Variants in HLX observed in about 807,000 individuals in gnomAD.
HLX encodes H2.0-like homeobox protein.
A neutral mutation model predicts 27.7 loss-of-function variants in HLX; 6 were observed. The ratio of observed to expected loss-of-function variants is 0.22; its 90% CI spans 0.12 to 0.43. The LOEUF is 0.43. Ranked by LOEUF, HLX falls within the 20% of genes least tolerant of loss-of-function variation. HLX has a pLI of 1.00. For missense variants in HLX, 666 were observed against 655.2 expected (o/e 1.02, Z -0.18); for synonymous variants, 328 against 293.8 (o/e 1.12, Z -1.19).
In HLX at chr1:220,884,033, G is replaced by A. The variant is rs1674514115; in HGVS notation, c.958-162G>A. 2.8e-6 allele frequency: 2 copies of A among 709,352 alleles called. No homozygotes were observed. The highest frequency in any genetic ancestry group is 4.8e-6 in the Non-Finnish European group (2 of 413,958). The allele number at this position is 709,352 out of a possible 1,614,324, so 43.9% of individuals were successfully genotyped here. ...CTTGTGTTCCCCTGGGCTGCCCCTT[G>A]GCTCCTGCGCCTACCACAGTGTCTG... is the stretch of plus-strand genomic sequence containing the variant. On this transcript the variant is annotated intron_variant, in intron 3 of 3. Coordinates refer to ENST00000366903, the MANE Select transcript of HLX (RefSeq NM_021958.4). This position sits in a 1 kb window ranked among gnomAD's most constrained non-coding sequence, Gnocchi z 4.9.
chr1:220,881,698 G>T, intron 2 of HLX: 1 of 436,318 alleles, frequency 2.3e-6, no homozygotes, highest in South Asian at 2.1e-5. Context: ...TACACATTTT[G>T]GGATGACCTC....
At position 220,882,343 on chromosome 1, in the gene HLX, G is replaced by C; in HGVS notation, c.952G>C (p.Ala318Pro). The change falls in exon 3 of 4, where the codon GCA (alanine) becomes CCA (proline). Residue 318 changes from alanine to proline, a missense_variant. Transcript: ENST00000366903. ...GGCGGCGATGCTGGGCCTCACGGAC[G>C]CACAGGTAAGGCAGTTCTGGCTCCA... ...QLAAMLGLTD[A>P]QVKVWFQNRR... is the part of the protein sequence containing the mutation. The C allele has an allele frequency of 6.2e-7, 1 of 1,614,054 alleles. No individual in the cohort carries two copies. The highest frequency in any genetic ancestry group is 8.5e-7 in the Non-Finnish European group (1 of 1,179,972).
At chr1:220,883,092 C>T (rs1029771025) in intron 3 of HLX, 1 of 150,908 alleles carries the variant, frequency 6.6e-6, no homozygotes, top group Non-Finnish European at 1.5e-5. Flanking sequence ...GGCTTCCCCA[C>T]CCCCCACCAC....
chr1:220,884,099 CA>C lies in HLX; in HGVS notation c.958-95del, dbSNP rs1674515882. 2 of 1,282,082 alleles carry C rather than the reference CA, an allele frequency of 1.6e-6. No individual in the cohort carries two copies. Among genetic ancestry groups the C allele is most frequent in the East Asian group, 2.3e-5 (1 of 42,920 alleles). The allele number at this position is 1,282,082 out of a possible 1,614,324, so 79.4% of individuals were successfully genotyped here. A position where few individuals can be genotyped will look rare whatever the true frequency, so the allele number is the denominator to read the frequency against. On this transcript the variant is annotated intron_variant, in intron 3 of 3. Transcript: ENST00000366903. The surrounding 1 kb of genome is among the most constrained non-coding windows in gnomAD (Gnocchi z 4.9). ...GCCAAGTAAGCGTTGCTTTTTCACT[CA>C]GGGAGGTGGCTTGAGGGTGCACGCG...
In HLX at chr1:220,879,951, T is replaced by G; in HGVS notation, c.94T>G (p.Phe32Val). ...CSSAGPGGCSFPLDPAAVKKP... is the reference protein window; with the variant it reads ...CSSAGPGGCSVPLDPAAVKKP... ...CTCGGCCGGCCCAGGCGGCTGCTCCTTCCCCTTGGACCCCGCCGCCGTCAA... is the reference window on the plus strand; with the variant it reads ...CTCGGCCGGCCCAGGCGGCTGCTCCGTCCCCTTGGACCCCGCCGCCGTCAA... Residue 32 changes from phenylalanine to valine, a missense_variant, in exon 1 of 4, where the codon TTC (phenylalanine) becomes GTC (valine). Transcript: ENST00000366903. The G allele has an allele frequency of 6.3e-7, 1 of 1,598,678 alleles. No individual in the cohort carries two copies. The highest frequency in any genetic ancestry group is 8.5e-7 in the Non-Finnish European group (1 of 1,178,820).
In HLX at chr1:220,884,599, C is replaced by G. The variant is rs1285333970; in HGVS notation, c.1362C>G (p.Ser454Arg). 5 of 1,607,206 alleles carry G rather than the reference C, an allele frequency of 3.1e-6. No homozygotes were observed. Among genetic ancestry groups the G allele is most frequent in the Non-Finnish European group, 3.4e-6 (4 of 1,176,816 alleles). ...SSSTSAGCAS[S>R]LGGGGASELL... ...GCACCAGTGCGGGTTGCGCCAGCAG[C>G]CTTGGCGGCGGCGGCGCCTCGGAGC... Residue 454 changes from serine to arginine, a missense_variant, in exon 4 of 4, where the codon AGC (serine) becomes AGG (arginine). Coordinates refer to ENST00000366903, the MANE Select transcript of HLX (RefSeq NM_021958.4). This position sits in a 1 kb window ranked among gnomAD's most constrained non-coding sequence, Gnocchi z 4.9.
In HLX at chr1:220,882,297, C is replaced by T. The variant is rs187627822; in HGVS notation, c.906C>T (p.Thr302=). 7 of 1,614,236 alleles carry T rather than the reference C, an allele frequency of 4.3e-6. No homozygotes were observed. Among genetic ancestry groups the T allele is most frequent in the African/African-American group, 2.7e-5 (2 of 75,070 alleles). ...GGTTTGAGATTCAGAAGTACGTGACCAAGCCGGACCGAAAGCAGCTGGCGG... is the reference window on the plus strand; with the variant it reads ...GGTTTGAGATTCAGAAGTACGTGACTAAGCCGGACCGAAAGCAGCTGGCGG... ...EKRFEIQKYV[T]KPDRKQLAAM... The change falls in exon 3 of 4, where the codon ACC becomes ACT. Residue 302 remains threonine (T), a synonymous_variant. Coordinates refer to ENST00000366903, the MANE Select transcript of HLX (RefSeq NM_021958.4).
At chr1:220,880,547 G>A (rs1674403357) in intron 1 of HLX, 98 bp downstream of exon 1, 16 of 1,294,026 alleles carry the variant, frequency 1.2e-5, no homozygotes. Context: ...TACAATTAAG[G>A]ACAAATCGGT....
At position 220,884,159 on chromosome 1, in the gene HLX, G is replaced by T. The variant is rs753015254; in HGVS notation, c.958-36G>T. 91 of 1,610,928 alleles carry T rather than the reference G, an allele frequency of 5.6e-5. No homozygotes were observed. The highest frequency in any genetic ancestry group is 7.1e-5 in the Non-Finnish European group (84 of 1,177,648). On this transcript the variant is annotated intron_variant, in intron 3 of 3. Transcript: ENST00000366903. The surrounding 1 kb of genome is among the most constrained non-coding windows in gnomAD (Gnocchi z 4.9). The stretch of plus-strand genomic sequence containing the variant: ...AGGAGCAAACCTGGGTCTCATCTCG[G>T]TGTCTCTTCTTGTCTCCCGGTGTGG...
Position 220,884,746 on chromosome 1 carries a change from T to C in HLX, c.*42T>C. On this transcript the variant is annotated 3_prime_UTR_variant, in exon 4 of 4. Transcript: ENST00000366903. This position sits in a 1 kb window ranked among gnomAD's most constrained non-coding sequence, Gnocchi z 4.9. Reference sequence around the variant, plus strand: ...GGGGATCCGGGCCTTGCGTGCAGCCTCCCAACCATGGGCTGGGTTTTGTGC... The same window carrying C: ...GGGGATCCGGGCCTTGCGTGCAGCCCCCCAACCATGGGCTGGGTTTTGTGC... 1 of 1,595,208 alleles carries C rather than the reference T, an allele frequency of 6.3e-7. No homozygotes were observed. The highest frequency in any genetic ancestry group is 1.7e-4 in the Middle Eastern group (1 of 5,976).
Position 220,884,197 on chromosome 1 carries a change from G to T in HLX, c.960G>T (p.Val320=). ...TCTCCCGGTGTGGCGCGGCGCAGGTGAAGGTGTGGTTCCAGAACCGGCGGA... is the reference window on the plus strand; with the variant it reads ...TCTCCCGGTGTGGCGCGGCGCAGGTTAAGGTGTGGTTCCAGAACCGGCGGA... ...AAMLGLTDAQ[V]KVWFQNRRMK... The change falls in exon 4 of 4, where the codon GTG becomes GTT. Residue 320 remains valine (V), a splice_region_variant and synonymous_variant. Transcript: ENST00000366903. This position sits in a 1 kb window ranked among gnomAD's most constrained non-coding sequence, Gnocchi z 4.9. 6.2e-7 allele frequency: 1 copy of T among 1,613,926 alleles called. No homozygotes were observed.
In HLX at chr1:220,880,367, C is replaced by A; in HGVS notation, c.510C>A (p.Ser170=). The change falls in exon 1 of 4, where the codon TCC becomes TCA. Residue 170 remains serine (S), a synonymous_variant. Transcript: ENST00000366903. ...ACAGTGGCTCTGCCCCGGCCCCCTCCAGCAAAGACCTCAAATTTGGAATTG... is the reference window on the plus strand; with the variant it reads ...ACAGTGGCTCTGCCCCGGCCCCCTCAAGCAAAGACCTCAAATTTGGAATTG... ...PHHSGSAPAP[S]SKDLKFGIDR... 1 of 1,614,190 alleles carries A rather than the reference C, an allele frequency of 6.2e-7. No homozygotes were observed. The highest frequency in any genetic ancestry group is 8.5e-7 in the Non-Finnish European group (1 of 1,180,014).
chr1:220,881,804 ACACACACACG>A, intron 2 of HLX: 1 of 363,484 alleles, frequency 2.8e-6, no homozygotes, highest in South Asian at 2.2e-5. Flanking sequence ...ACACACACAC[ACACACACACG>A]AGATAATTCA....
At position 220,884,821 on chromosome 1, in the gene HLX, A is replaced by G; in HGVS notation, c.*117A>G. On this transcript the variant is annotated 3_prime_UTR_variant, in exon 4 of 4. Transcript: ENST00000366903. The surrounding 1 kb of genome is among the most constrained non-coding windows in gnomAD (Gnocchi z 4.9). Reference sequence around the variant, plus strand: ...GGGCAGGAGACGCAGCGTGGAGCCTACCTCCCGACATTCACGCTTCGCCCC... The same window carrying G: ...GGGCAGGAGACGCAGCGTGGAGCCTGCCTCCCGACATTCACGCTTCGCCCC... 6 of 1,454,986 alleles carry G rather than the reference A, an allele frequency of 4.1e-6. No homozygotes were observed. The South Asian group carries it at 7.8e-5, about 19-fold the overall frequency. The allele number at this position is 1,454,986 out of a possible 1,614,324, so 90.1% of individuals were successfully genotyped here. A position where few individuals can be genotyped will look rare whatever the true frequency, so the allele number is the denominator to read the frequency against.
chr1:220,879,956 C>T lies in HLX; in HGVS notation c.99C>T (p.Pro33=). The change falls in exon 1 of 4, where the codon CCC becomes CCT. Residue 33 remains proline, a synonymous_variant. Transcript: ENST00000366903. The part of the protein sequence containing the change: ...SSAGPGGCSF[P]LDPAAVKKPS... ...CCGGCCCAGGCGGCTGCTCCTTCCC[C>T]TTGGACCCCGCCGCCGTCAAAAAGC... 6.3e-7 allele frequency: 1 copy of T among 1,598,802 alleles called. No homozygotes were observed. Among genetic ancestry groups the T allele is most frequent in the Non-Finnish European group, 8.5e-7 (1 of 1,178,918 alleles).
chr1:220,884,291 T>C lies in HLX; in HGVS notation c.1054T>C (p.Ser352Pro), dbSNP rs760083804. ...GGACAAGGAGGCTGGCGAGAAGCCA[T>C]CAGGTGGAGCCCCGGCTGCGGATGG... ...DKDKEAGEKP[S>P]GGAPAADGEQ... The change falls in exon 4 of 4, where the codon TCA becomes CCA. Residue 352 changes from serine (S) to proline (P), a missense_variant. Transcript: ENST00000366903. The surrounding 1 kb of genome is among the most constrained non-coding windows in gnomAD (Gnocchi z 4.9). 2.5e-6 allele frequency: 4 copies of C among 1,613,786 alleles called. No individual in the cohort carries two copies. Among genetic ancestry groups the C allele is most frequent in the Non-Finnish European group, 3.4e-6 (4 of 1,179,894 alleles).
chr1:220,880,292 C>A lies in HLX; in HGVS notation c.435C>A (p.Gly145=), dbSNP rs779879226. The A allele has an allele frequency of 9.3e-6, 15 of 1,611,338 alleles. No individual in the cohort carries two copies. In the African/African-American group the frequency reaches 1.6e-4, roughly 17 times the overall value. ...QQQPPPPPRA[G]ALQPPASGTR... ...AGCCTCCGCCTCCGCCCCGGGCTGG[C>A]GCCCTGCAGCCCCCGGCCTCGGGGA... The change falls in exon 1 of 4, where the codon GGC becomes GGA. Residue 145 remains glycine, a synonymous_variant. Transcript: ENST00000366903.
At position 220,884,122 on chromosome 1, in the gene HLX, C is replaced by G. The variant is rs1674516126; in HGVS notation, c.958-73C>G. 4 of 1,498,734 alleles carry G rather than the reference C, an allele frequency of 2.7e-6. No homozygotes were observed. The highest frequency in any genetic ancestry group is 2.8e-6 in the Non-Finnish European group (3 of 1,079,682). The allele number at this position is 1,498,734 out of a possible 1,614,324, so 92.8% of individuals were successfully genotyped here. ...CTCAGGGAGGTGGCTTGAGGGTGCACGCGAGTCGGATAGGAGCAAACCTGG... is the reference window on the plus strand; with the variant it reads ...CTCAGGGAGGTGGCTTGAGGGTGCAGGCGAGTCGGATAGGAGCAAACCTGG... On this transcript the variant is annotated intron_variant, in intron 3 of 3. Transcript: ENST00000366903. This position sits in a 1 kb window ranked among gnomAD's most constrained non-coding sequence, Gnocchi z 4.9.
Position 220,884,338 on chromosome 1 carries a change from C to T in HLX, c.1101C>T (p.Pro367=). ...AADGEQDERS[P]SRSEGEAESE... is the part of the protein sequence containing the mutation. ...ATGGCGAGCAGGACGAGAGGAGCCC[C>T]AGCCGTTCTGAAGGCGAGGCTGAGA... The change falls in exon 4 of 4, where the codon CCC becomes CCT. Residue 367 remains proline (P), a synonymous_variant. Transcript: ENST00000366903. This position sits in a 1 kb window ranked among gnomAD's most constrained non-coding sequence, Gnocchi z 4.9. The T allele has an allele frequency of 6.2e-7, 1 of 1,614,038 alleles. No individual in the cohort carries two copies. The highest frequency in any genetic ancestry group is 8.5e-7 in the Non-Finnish European group (1 of 1,179,986).
Sources: allele counts gnomAD v4.1 joint callset, GRCh38; gene constraint gnomAD v4.1.1; non-coding constraint Gnocchi (gnomAD v3.1); transcripts MANE v1.5; gene names NCBI Gene and HGNC (gene_info 2026-07-23, HGNC 2026-07-21).